Variants in NHS observed in about 807,000 individuals in gnomAD.
NHS encodes NHS actin remodeling regulator.
In NHS, 5 loss-of-function variants were observed where a neutral mutation model predicts 72.5. The observed-to-expected ratio is 0.07, with a 90% CI of 0.04 to 0.14. The LOEUF (loss-of-function observed/expected upper bound fraction) is 0.14, where lower values mean the gene tolerates loss of function less well. NHS is among the 10% of genes least tolerant of loss of function. NHS has a pLI of 1.00. For synonymous variants in NHS, 464 were observed against 547.7 expected (o/e 0.85, Z 2.13); for missense variants, 1,072 against 1,355.7 (o/e 0.79, Z 3.29).
intron 1 of NHS, among the ~76,000 whole-genome samples, chrX:17,383,725 T>C (rs765840828): frequency 3.3e-4 from 37 of 111,718 alleles, no homozygotes; most frequent in African/African-American, 9.4e-4. Context: ...TCCTCTTACA[T>C]TGGGGATTAT....
intron 1 of NHS, among the ~76,000 whole-genome samples, chrX:17,521,511 C>T (rs1396124079): frequency 1.8e-5 from 2 of 109,977 alleles, no homozygotes; most frequent in African/African-American, 6.7e-5. Context: ...CACAGGTGCA[C>T]GCCACAATAT....
At chrX:17,579,678 T>C (rs188732017) in intron 1 of NHS, among the ~76,000 whole-genome samples, 4 of 111,370 alleles carry the variant, frequency 3.6e-5, no homozygotes, top group African/African-American at 1.3e-4. Context: ...GCAGATACTA[T>C]GAGTGCCCTG....
chrX:17,504,719 C>T (rs1601737266), intron 1 of NHS, among the ~76,000 whole-genome samples: 1 of 112,284 alleles, frequency 8.9e-6, no homozygotes, highest in African/African-American at 3.2e-5. Flanking sequence ...TGGGTCACCA[C>T]ATGTGGCAAC....
intron 1 of NHS, among the ~76,000 whole-genome samples, chrX:17,470,976 A>G (rs1012229339): frequency 9.0e-6 from 1 of 111,685 alleles, no homozygotes; most frequent in African/African-American, 3.3e-5. Context: ...ACATCAATAA[A>G]TATTTAATGA....
At chrX:17,637,939 A>G (rs1413217810) in intron 1 of NHS, among the ~76,000 whole-genome samples, 1 of 112,136 alleles carries the variant, frequency 8.9e-6, no homozygotes, top group Non-Finnish European at 1.9e-5. Flanking sequence ...CTGATAGACT[A>G]TATTTGGGCT....
chrX:17,431,026 A>C (rs1462915743), intron 1 of NHS, among the ~76,000 whole-genome samples: 1 of 111,912 alleles, frequency 8.9e-6, no homozygotes, highest in Non-Finnish European at 1.9e-5. Context: ...TGATAACTCC[A>C]TGTTTAACCC....
At chrX:17,646,040 C>G (rs2065904373) in intron 1 of NHS, among the ~76,000 whole-genome samples, 1 of 111,765 alleles carries the variant, frequency 8.9e-6, no homozygotes, top group Non-Finnish European at 1.9e-5. Context: ...CAGCCTCGAA[C>G]TCCTGGGCGG....
chrX:17,499,074 A>G (rs901958902), intron 1 of NHS, among the ~76,000 whole-genome samples: 3 of 112,053 alleles, frequency 2.7e-5, no homozygotes, highest in Non-Finnish European at 5.6e-5. Flanking sequence ...CTTCATAGCT[A>G]CCTGGCCAGG....
chrX:17,522,386 G>A (rs2065152400), intron 1 of NHS, among the ~76,000 whole-genome samples: 1 of 110,848 alleles, frequency 9.0e-6, no homozygotes, highest in Non-Finnish European at 1.9e-5. Context: ...CCTGGTTGGT[G>A]CCATAGCCTC....
intron 1 of NHS, among the ~76,000 whole-genome samples, chrX:17,408,054 G>T (rs1437246246): frequency 1.8e-5 from 2 of 111,274 alleles, no homozygotes; most frequent in African/African-American, 6.6e-5. Context: ...CTGTCACCCA[G>T]GCTGGAGTAC....
chrX:17,437,755 A>G (rs567212914), intron 1 of NHS, among the ~76,000 whole-genome samples: 3 of 112,084 alleles, frequency 2.7e-5, no homozygotes, highest in South Asian at 3.7e-4. Flanking sequence ...GATAGTTTCC[A>G]CATCACAGGA....
intron 1 of NHS, among the ~76,000 whole-genome samples, chrX:17,422,467 C>G (rs901230517): frequency 2.5e-4 from 28 of 110,956 alleles, no homozygotes; most frequent in Middle Eastern, 4.2e-3. Context: ...TGTCTCTTCT[C>G]GATGGTTCTT....
intron 1 of NHS, among the ~76,000 whole-genome samples, chrX:17,407,302 A>G (rs1211039236): frequency 9.0e-6 from 1 of 110,664 alleles, no homozygotes; most frequent in Admixed American, 9.6e-5. Flanking sequence ...CTCCCTTCTC[A>G]TCCCTATAAA....
intron 1 of NHS, among the ~76,000 whole-genome samples, chrX:17,604,665 A>G (rs190904041): frequency 8.9e-6 from 1 of 112,096 alleles, no homozygotes; most frequent in Admixed American, 9.4e-5. Context: ...GGACTCTTTG[A>G]GGTCACCATC....
chrX:17,473,641 A>G (rs111349824), intron 1 of NHS, among the ~76,000 whole-genome samples: 38 of 112,292 alleles, frequency 3.4e-4, no homozygotes, highest in African/African-American at 1.2e-3. Context: ...TCTGATGAAA[A>G]TTTACCATCC....
intron 1 of NHS, chrX:17,687,183 G>A (rs2066167233): frequency 7.7e-6 from 1 of 130,599 alleles, no homozygotes; most frequent in Non-Finnish European, 1.6e-5. Context: ...AAAGATGACA[G>A]GCAATGGAGC....
chrX:17,503,182 C>A (rs953464428), intron 1 of NHS, among the ~76,000 whole-genome samples: 2 of 112,497 alleles, frequency 1.8e-5, no homozygotes, highest in Non-Finnish European at 3.8e-5. Context: ...TATTTGAATT[C>A]TTGGGTTTTG....
At chrX:17,651,873 T>A (rs1416820358) in intron 1 of NHS, among the ~76,000 whole-genome samples, 9 of 112,922 alleles carry the variant, frequency 8.0e-5, no homozygotes, top group Non-Finnish European at 1.3e-4. Flanking sequence ...TTTAGTTATA[T>A]GGAAAATTAC....
chrX:17,446,563 C>G (rs867256884), intron 1 of NHS, among the ~76,000 whole-genome samples: 4 of 108,938 alleles, frequency 3.7e-5, no homozygotes, highest in Non-Finnish European at 5.7e-5. Flanking sequence ...CTATCCAAAT[C>G]CTATAAAATG....
Sources: gnomAD v4.1 joint callset for allele counts (sites outside exome capture counted in the v4.1 genomes callset) on GRCh38, gnomAD v4.1.1 for gene constraint, MANE v1.5 for transcripts, NCBI Gene and HGNC (gene_info 2026-07-23, HGNC 2026-07-21) for gene names.